CDC42BPA: variants seen among roughly 807,000 people sequenced by gnomAD.
CDC42BPA encodes serine/threonine-protein kinase MRCK alpha.
In CDC42BPA, 80 loss-of-function variants were observed where a neutral mutation model predicts 223.5. The ratio of observed to expected loss-of-function variants is 0.36; its 90% CI spans 0.30 to 0.43. The LOEUF is 0.43. CDC42BPA is among the 20% of genes least tolerant of loss of function. The pLI, the probability that CDC42BPA is intolerant of heterozygous loss-of-function variation, is 1.00. For synonymous variants in CDC42BPA, 694 were observed against 718.6 expected (o/e 0.97, Z 0.55); for missense variants, 1,743 against 2,099.9 (o/e 0.83, Z 3.32).
chr1:227,159,977 G>A (rs12562626), intron 6 of CDC42BPA, among the ~76,000 whole-genome samples: 23 of 152,170 alleles, frequency 1.5e-4, no homozygotes, highest in East Asian at 7.7e-4. Flanking sequence ...CTCAGTAGCT[G>A]GGACTACAGG....
At chr1:227,276,023 C>A (rs1042941090) in intron 1 of CDC42BPA, among the ~76,000 whole-genome samples, 3 of 152,214 alleles carry the variant, frequency 2.0e-5, no homozygotes, top group East Asian at 1.9e-4. Flanking sequence ...CCAGCCGCCA[C>A]CCCCTCTGGG....
At chr1:227,147,320 T>C (rs1315942514) in intron 7 of CDC42BPA, 39 bp downstream of exon 7, 2 of 1,432,150 alleles carry the variant, frequency 1.4e-6, no homozygotes, top group South Asian at 1.2e-5. Context: ...ATATGTGTTA[T>C]TTACCACATT....
intron 10 of CDC42BPA, among the ~76,000 whole-genome samples, chr1:227,133,406 G>A (rs1451883821): frequency 1.3e-5 from 2 of 152,054 alleles, no homozygotes; most frequent in East Asian, 2.0e-4. Flanking sequence ...CTGCCCGGCC[G>A]CCCCTACTGG....
chr1:227,037,823 C>T (rs1033325931), intron 24 of CDC42BPA, among the ~76,000 whole-genome samples: 1 of 151,900 alleles, frequency 6.6e-6, no homozygotes, highest in Non-Finnish European at 1.5e-5. Flanking sequence ...TTCTTTTGCA[C>T]CAAAATAAAT....
intron 24 of CDC42BPA, among the ~76,000 whole-genome samples, chr1:227,037,260 T>C (rs1670459470): frequency 6.6e-6 from 1 of 152,224 alleles, no homozygotes; most frequent in Non-Finnish European, 1.5e-5. Context: ...ATACAGGCGA[T>C]TCCTTCTCAG....
intron 16 of CDC42BPA, among the ~76,000 whole-genome samples, chr1:227,087,778 A>G (rs973586279): frequency 6.6e-6 from 1 of 152,120 alleles, no homozygotes; most frequent in Admixed American, 6.5e-5. Flanking sequence ...TGACAATTGC[A>G]TTTGCTTTTT....
chr1:227,237,261 A>G (rs1337760700), intron 2 of CDC42BPA, among the ~76,000 whole-genome samples: 1 of 152,164 alleles, frequency 6.6e-6, no homozygotes, highest in Non-Finnish European at 1.5e-5. Context: ...AAGTTATTAC[A>G]TGGTATCTTA....
chr1:227,218,354 T>C (rs1025269408), intron 2 of CDC42BPA, among the ~76,000 whole-genome samples: 2 of 152,206 alleles, frequency 1.3e-5, no homozygotes, highest in African/African-American at 4.8e-5. Flanking sequence ...ATTGTCTTTT[T>C]CACCTTTTAA....
At chr1:227,271,918 C>T (rs577616354) in intron 1 of CDC42BPA, among the ~76,000 whole-genome samples, 1 of 152,188 alleles carries the variant, frequency 6.6e-6, no homozygotes, top group South Asian at 2.1e-4. Flanking sequence ...ATAAATTTTA[C>T]AAAATAGCTT....
At chr1:227,174,093 TTAAC>T (rs1666550600) in intron 5 of CDC42BPA, among the ~76,000 whole-genome samples, 1 of 152,340 alleles carries the variant, frequency 6.6e-6, no homozygotes, top group East Asian at 1.9e-4. Context: ...AACTATATTT[TTAAC>T]TATAGATGGT....
chr1:227,212,679 A>C (rs1188870703), intron 3 of CDC42BPA, among the ~76,000 whole-genome samples: 1 of 152,082 alleles, frequency 6.6e-6, no homozygotes, highest in Non-Finnish European at 1.5e-5. Flanking sequence ...TTTTACTACA[A>C]CTCCTGTAAT....
At position 227,193,845 on chromosome 1, in the gene CDC42BPA, A is replaced by T. The variant is rs768118756; in HGVS notation, c.540T>A (p.Phe180Leu). The T allele has an allele frequency of 3.7e-6, 6 of 1,613,582 alleles. No homozygotes were observed. Among genetic ancestry groups the T allele is most frequent in the Non-Finnish European group, 3.4e-6 (4 of 1,179,742 alleles). ...EDRLPEDMAR[F>L]YLAEMVIAID... Reference sequence around the variant, plus strand: ...TTGCTATCACCATCTCAGCCAAGTAAAATCTAGCCATATCTTCAGGCAATC... The same window carrying T: ...TTGCTATCACCATCTCAGCCAAGTATAATCTAGCCATATCTTCAGGCAATC... Residue 180 changes from phenylalanine (F) to leucine (L), a missense_variant, in exon 5 of 37, where the codon TTT becomes TTA. Physicochemically the swap from Phe to Leu is conservative, Grantham distance 22. Around this residue, in one of 6 missense-constraint regions of CDC42BPA, gnomAD observed 321 missense variants for 488.7 expected, o/e 0.66. Coordinates refer to ENST00000366766, the MANE Select transcript of CDC42BPA (RefSeq NM_001394014.1).
chr1:227,015,961 G>C, intron 34 of CDC42BPA, 119 bp downstream of exon 34: 1 of 663,480 alleles, frequency 1.5e-6, no homozygotes, highest in Non-Finnish European at 2.7e-6. Flanking sequence ...GGTATACTGA[G>C]AGAAACATTT....
At chr1:227,150,224 CA>C (rs35252773) in intron 6 of CDC42BPA, among the ~76,000 whole-genome samples, 21,669 of 136,534 alleles carry the variant, frequency 0.16, 1,853 homozygotes, top group African/African-American at 0.25. Context: ...AACCCTGTCT[CA>C]AAAAAAAAAA....
At chr1:227,247,899 A>C (rs993569136) in intron 2 of CDC42BPA, among the ~76,000 whole-genome samples, 1 of 152,050 alleles carries the variant, frequency 6.6e-6, no homozygotes, top group Non-Finnish European at 1.5e-5. Context: ...ATAAATAAAC[A>C]AACAATAATT....
At chr1:227,288,939 G>A (rs1326030713) in intron 1 of CDC42BPA, among the ~76,000 whole-genome samples, 1 of 151,674 alleles carries the variant, frequency 6.6e-6, no homozygotes, top group African/African-American at 2.4e-5. Flanking sequence ...GGCTGCAGTG[G>A]GGAGAGATCA....
intron 35 of CDC42BPA, among the ~76,000 whole-genome samples, chr1:227,000,694 A>G (rs1293181012): frequency 1.3e-5 from 2 of 152,116 alleles, no homozygotes; most frequent in East Asian, 3.9e-4. Context: ...CCTAGTGATC[A>G]TTTATAGAGC....
intron 7 of CDC42BPA, 102 bp from the exon 8 acceptor site, chr1:227,145,839 T>TA: frequency 1.1e-6 from 1 of 887,266 alleles, no homozygotes; most frequent in Non-Finnish European, 1.7e-6. Context: ...ATTTTAAATA[T>TA]ATCTAATAAC....
At chr1:227,277,498 C>A (rs980310587) in intron 1 of CDC42BPA, among the ~76,000 whole-genome samples, 2 of 152,224 alleles carry the variant, frequency 1.3e-5, no homozygotes, top group South Asian at 4.1e-4. Flanking sequence ...CAAAAAATAT[C>A]CTAATCAAAG....
Sources: allele counts gnomAD v4.1 joint callset (sites outside exome capture counted in the v4.1 genomes callset), GRCh38; gene constraint gnomAD v4.1.1; regional missense constraint gnomAD v4.1.1; transcripts MANE v1.5; gene names NCBI Gene and HGNC (gene_info 2026-07-23, HGNC 2026-07-21).